The following OPCML variants were observed in gnomAD, a reference collection of about 807,000 sequenced individuals.
OPCML encodes the protein opioid-binding protein/cell adhesion molecule.
A neutral mutation model predicts 37.8 loss-of-function variants in OPCML; 13 were observed. That is an observed-to-expected ratio of 0.34 (90% CI 0.22 to 0.55). The LOEUF is 0.55. OPCML is among the 20% of genes least tolerant of loss of function. OPCML has a pLI of 0.91. For missense variants in OPCML, 341 were observed against 435.6 expected, an observed-to-expected ratio of 0.78 and a Z score of 1.93; for synonymous variants, 176 against 168.8, an observed-to-expected ratio of 1.04 and a Z score of -0.33.
At chr11:132,657,418 T>G in intron 2 of OPCML, 99 bp from the exon 3 acceptor site, 1 of 1,476,708 alleles carries the variant, frequency 6.8e-7, no homozygotes, top group Non-Finnish European at 9.0e-7. Context: ...TTTTGAGGAG[T>G]AAATGAAACA....
chr11:133,205,568 A>T lies in OPCML; in HGVS notation c.62-262558T>A, dbSNP rs1939028729. The stretch of plus-strand genomic sequence containing the variant: ...GGACTGACGCCGTCTCCAGGTAGAC[A>T]GTGTCAGAATTGAATTGAATTGGAG... On this transcript the variant is annotated intron_variant, in intron 1 of 7. Transcript: ENST00000524381. The surrounding 1 kb of genome is among the most constrained non-coding windows in gnomAD (Gnocchi z 4.8). Among the ~76,000 whole-genome samples the T allele has an allele frequency of 6.6e-6, 1 of 152,212 alleles. No homozygotes were observed. Among genetic ancestry groups the T allele is most frequent in the South Asian group, 2.1e-4 (1 of 4,832 alleles).
At chr11:133,242,484 C>T (rs569800956) in intron 1 of OPCML, among the ~76,000 whole-genome samples, 1 of 152,288 alleles carries the variant, frequency 6.6e-6, no homozygotes, top group Admixed American at 6.5e-5. Context: ...GGGACAGGTT[C>T]TCCTGAGGCT....
chr11:133,305,873 A>G, intron 1 of OPCML, among the ~76,000 whole-genome samples: 1 of 152,184 alleles, frequency 6.6e-6, no homozygotes, highest in Non-Finnish European at 1.5e-5. Flanking sequence ...GCTTGTGGAA[A>G]TTAGAAATAA....
chr11:132,599,593 G>A lies in OPCML; in HGVS notation c.379+57494C>T, dbSNP rs59412843. 8.0e-3 allele frequency among the ~76,000 whole-genome samples: 1,218 copies of A among 152,210 alleles called. 26 individuals are homozygous for A. The highest frequency in any genetic ancestry group is 0.028 in the African/African-American group (1,170 of 41,548). ...CATTTCTCATTTTCTGACAGGCTTTGGTGGGCTCCACTTGTTATCTTACCA... is the reference window on the plus strand; with the variant it reads ...CATTTCTCATTTTCTGACAGGCTTTAGTGGGCTCCACTTGTTATCTTACCA... On this transcript the variant is annotated intron_variant, in intron 3 of 7. Coordinates refer to ENST00000524381, the MANE Select transcript of OPCML (RefSeq NM_001012393.5).
intron 2 of OPCML, among the ~76,000 whole-genome samples, chr11:132,907,569 C>T (rs1175319699): frequency 4.6e-5 from 7 of 150,650 alleles, no homozygotes; most frequent in Admixed American, 2.0e-4. Context: ...AGATGGAGGT[C>T]GCAGTGAGCC....
intron 1 of OPCML, among the ~76,000 whole-genome samples, chr11:133,292,189 C>T (rs1467262323): frequency 6.6e-6 from 1 of 152,140 alleles, no homozygotes; most frequent in Non-Finnish European, 1.5e-5. Flanking sequence ...CACCAGAACA[C>T]TTTGGCTCAC....
At chr11:132,947,669 A>G (rs967178844) in intron 1 of OPCML, among the ~76,000 whole-genome samples, 5 of 152,222 alleles carry the variant, frequency 3.3e-5, no homozygotes, top group Non-Finnish European at 5.9e-5. Context: ...TGAGGTTCAC[A>G]ATGAACAAGG....
rs372299210 is a variant in OPCML at position 133,086,729 on chromosome 11, T to C, written c.62-143719A>G. ...CTGAAAGTTTGTACCCTTTGACCAG[T>C]ATCTCCCCATCCCCCTACACTCGCA... On this transcript the variant is annotated intron_variant, in intron 1 of 7. Coordinates refer to ENST00000524381, the MANE Select transcript of OPCML (RefSeq NM_001012393.5). Among the ~76,000 whole-genome samples, 8 of 152,162 alleles carry C rather than the reference T, an allele frequency of 5.3e-5. No homozygotes were observed. In the South Asian group the frequency reaches 1.2e-3, roughly 24 times the overall value.
chr11:133,193,102 G>A (rs1190985839), intron 1 of OPCML, among the ~76,000 whole-genome samples: 1 of 152,042 alleles, frequency 6.6e-6, no homozygotes, highest in Non-Finnish European at 1.5e-5. Flanking sequence ...TGGTCCTTCT[G>A]GTGGTGGCAA....
At chr11:132,485,275 T>C (rs921590436) in intron 4 of OPCML, among the ~76,000 whole-genome samples, 14 of 152,172 alleles carry the variant, frequency 9.2e-5, no homozygotes, top group African/African-American at 3.4e-4. Flanking sequence ...TAAGTGTTTA[T>C]GACAGTCCAG....
At chr11:132,871,110 A>G (rs964128110) in intron 2 of OPCML, among the ~76,000 whole-genome samples, 1 of 152,168 alleles carries the variant, frequency 6.6e-6, no homozygotes, top group Admixed American at 6.5e-5. Context: ...AATTAACTCA[A>G]TTTAGCCATT....
chr11:133,363,779 C>A (rs1944474924), intron 1 of OPCML, among the ~76,000 whole-genome samples: 1 of 151,584 alleles, frequency 6.6e-6, no homozygotes, highest in Admixed American at 6.5e-5. Context: ...AAGCTGTATC[C>A]CAAGCCGAGC....
At chr11:132,425,636 AT>A in intron 7 of OPCML, among the ~76,000 whole-genome samples, 1 of 152,210 alleles carries the variant, frequency 6.6e-6, no homozygotes. Flanking sequence ...ATAAAACAGC[AT>A]CTTGTGTGGG....
intron 1 of OPCML, among the ~76,000 whole-genome samples, chr11:133,247,300 T>C (rs988870987): frequency 6.6e-6 from 1 of 152,192 alleles, no homozygotes; most frequent in Non-Finnish European, 1.5e-5. Flanking sequence ...GCTACATTTT[T>C]CATGAGAGCA....
At position 133,143,495 on chromosome 11, in the gene OPCML, C is replaced by T. The variant is rs78035664; in HGVS notation, c.62-200485G>A. On this transcript the variant is annotated intron_variant, in intron 1 of 7. Coordinates refer to ENST00000524381, the MANE Select transcript of OPCML (RefSeq NM_001012393.5). The stretch of plus-strand genomic sequence containing the variant: ...ATGCATGCATGGAGCAGACTCCTTG[C>T]AGACCCACATAGTATTGTGACATGT... Among the ~76,000 whole-genome samples, 57 of 152,290 alleles carry T rather than the reference C, an allele frequency of 3.7e-4. 1 individual carries two copies. In the East Asian group the frequency reaches 8.9e-3, roughly 24 times the overall value.
intron 1 of OPCML, among the ~76,000 whole-genome samples, chr11:133,213,494 C>T (rs759647748): frequency 2.0e-4 from 31 of 152,130 alleles, no homozygotes; most frequent in Admixed American, 6.5e-5. Flanking sequence ...AACACTAATG[C>T]TCTTTAGAAA....
chr11:133,042,324 A>C (rs1007500588), intron 1 of OPCML, among the ~76,000 whole-genome samples: 7 of 152,206 alleles, frequency 4.6e-5, no homozygotes, highest in African/African-American at 1.7e-4. Context: ...GTGAAGAAAA[A>C]GCAAATAAAC....
At chr11:133,165,828 C>T (rs1950201739) in intron 1 of OPCML, among the ~76,000 whole-genome samples, 1 of 152,124 alleles carries the variant, frequency 6.6e-6, no homozygotes, top group East Asian at 1.9e-4. Context: ...CAACTCCAGA[C>T]CACCCTGGTC....
At chr11:133,185,823 C>T (rs1366648177) in intron 1 of OPCML, among the ~76,000 whole-genome samples, 1 of 152,130 alleles carries the variant, frequency 6.6e-6, no homozygotes, top group Non-Finnish European at 1.5e-5. Context: ...ATTCTTGACT[C>T]CCATTCTACA....
Sources: allele counts gnomAD v4.1 joint callset (sites outside exome capture counted in the v4.1 genomes callset), GRCh38; gene constraint gnomAD v4.1.1; non-coding constraint Gnocchi (gnomAD v3.1); transcripts MANE v1.5; gene names NCBI Gene and HGNC (gene_info 2026-07-23, HGNC 2026-07-21).